Variants in ZNF143 observed in about 807,000 individuals in gnomAD.
ZNF143 encodes SPH-binding factor.
In ZNF143, 49 loss-of-function variants were observed where a neutral mutation model predicts 74.1. The observed-to-expected ratio is 0.66, with a 90% confidence interval of 0.53 to 0.84. The LOEUF (loss-of-function observed/expected upper bound fraction) is 0.84. ZNF143 is among the 40% of genes least tolerant of loss of function. The probability of loss-of-function intolerance (pLI) is 0.00; values close to 1 mark genes in which losing one functional copy is unlikely to be tolerated. For missense variants in ZNF143, 637 were observed against 793.4 expected, an observed-to-expected ratio of 0.80 and a Z score of 2.37; for synonymous variants, 304 against 282.8, an observed-to-expected ratio of 1.07 and a Z score of -0.75.
intron 5 of ZNF143, 94 bp from the exon 6 acceptor site, chr11:9,478,296 A>G: frequency 7.7e-7 from 1 of 1,303,920 alleles, no homozygotes. Flanking sequence ...CAGAGTAACT[A>G]CTCAATAAAA....
intron 11 of ZNF143, among the ~76,000 whole-genome samples, chr11:9,508,284 A>G (rs778523959): frequency 9.9e-5 from 15 of 152,222 alleles, no homozygotes; most frequent in Non-Finnish European, 1.6e-4. Flanking sequence ...TTAATAGACT[A>G]TAACAGTATC....
At chr11:9,507,415 A>T in intron 11 of ZNF143, among the ~76,000 whole-genome samples, 1 of 151,984 alleles carries the variant, frequency 6.6e-6, no homozygotes, top group African/African-American at 2.4e-5. Flanking sequence ...ATATTTACTC[A>T]TTTGCTCAGT....
intron 7 of ZNF143, among the ~76,000 whole-genome samples, chr11:9,483,357 G>GCGCGATCT (rs1565035591): frequency 7.7e-6 from 1 of 130,172 alleles, no homozygotes; most frequent in Non-Finnish European, 1.6e-5. Context: ...GAGTGCAGTG[G>GCGCGATCT]CGCGATCTCA....
intron 7 of ZNF143, among the ~76,000 whole-genome samples, chr11:9,480,746 G>T (rs983014452): frequency 1.3e-5 from 2 of 151,976 alleles, no homozygotes; most frequent in African/African-American, 4.8e-5. Flanking sequence ...AATTAGCCAG[G>T]TGTGGTGGCT....
intron 7 of ZNF143, among the ~76,000 whole-genome samples, chr11:9,484,799 G>GTTTTTTT (rs1316309780): frequency 2.1e-4 from 5 of 24,244 alleles, no homozygotes; most frequent in Admixed American, 4.2e-4. Flanking sequence ...CCTGGCCAAA[G>GTTTTTTT]ATTTTTTTTT....
intron 11 of ZNF143, among the ~76,000 whole-genome samples, chr11:9,507,870 TG>T (rs1158168237): frequency 1.3e-5 from 2 of 152,178 alleles, no homozygotes; most frequent in Admixed American, 1.3e-4. Flanking sequence ...AAGGGGGAAA[TG>T]GGTAGTAAAT....
At chr11:9,481,562 G>C (rs1196006807) in intron 7 of ZNF143, among the ~76,000 whole-genome samples, 1 of 152,044 alleles carries the variant, frequency 6.6e-6, no homozygotes, top group Non-Finnish European at 1.5e-5. Flanking sequence ...TAACTGACAA[G>C]TACATTTTAA....
At chr11:9,501,907 G>A (rs1171087859) in intron 11 of ZNF143, among the ~76,000 whole-genome samples, 3 of 148,962 alleles carry the variant, frequency 2.0e-5, no homozygotes, top group South Asian at 2.2e-4. Context: ...AGGGGGCGGG[G>A]TGGTCTATGG....
In ZNF143 at chr11:9,473,217, C is replaced by T. The variant is rs142436162; in HGVS notation, c.205+448C>T. 4.6e-3 allele frequency among the ~76,000 whole-genome samples: 694 copies of T among 151,896 alleles called. 5 individuals carry two copies. Among genetic ancestry groups the T allele is most frequent in the African/African-American group, 0.016 (654 of 41,462 alleles). ...ACCAGCCTGACCAACATGGAGAAAC[C>T]GTTTTCTGTAATAAAAATACAAAAT... On this transcript the variant is annotated intron_variant, in intron 3 of 15. Transcript: ENST00000396602.
At chr11:9,479,777 G>A (rs1459051485) in intron 7 of ZNF143, among the ~76,000 whole-genome samples, 1 of 152,194 alleles carries the variant, frequency 6.6e-6, no homozygotes, top group Non-Finnish European at 1.5e-5. Context: ...TCCAGGTGAA[G>A]CTTGTGTGCT....
At chr11:9,469,264 T>C (rs1369727720) in intron 1 of ZNF143, among the ~76,000 whole-genome samples, 1 of 142,380 alleles carries the variant, frequency 7.0e-6, no homozygotes, top group Non-Finnish European at 1.5e-5. Flanking sequence ...GGAGTTTCGC[T>C]CTTGTTGCCC....
intron 13 of ZNF143, among the ~76,000 whole-genome samples, chr11:9,512,969 T>A (rs1251579997): frequency 6.6e-6 from 1 of 152,102 alleles, no homozygotes; most frequent in Non-Finnish European, 1.5e-5. Flanking sequence ...GCTGAGGTGA[T>A]CAGCATATGA....
At chr11:9,496,433 C>T in intron 9 of ZNF143, 55 bp downstream of exon 9, 1 of 1,475,104 alleles carries the variant, frequency 6.8e-7, no homozygotes, top group Non-Finnish European at 9.5e-7. Flanking sequence ...CAAGTAGAGA[C>T]AGGCTAGTGG....
chr11:9,481,166 T>C (rs1847223197), intron 7 of ZNF143, among the ~76,000 whole-genome samples: 1 of 152,034 alleles, frequency 6.6e-6, no homozygotes, highest in African/African-American at 2.4e-5. Context: ...GGTGGGAAGA[T>C]TGCTTGAACC....
intron 13 of ZNF143, among the ~76,000 whole-genome samples, 191 bp downstream of exon 13, chr11:9,512,787 TAGA>T (rs1848596895): frequency 6.6e-6 from 1 of 152,172 alleles, no homozygotes. Flanking sequence ...TTTGTGACTG[TAGA>T]ATCCGAATGG....
chr11:9,480,663 A>G (rs1847198178), intron 7 of ZNF143, among the ~76,000 whole-genome samples: 1 of 152,112 alleles, frequency 6.6e-6, no homozygotes, highest in Non-Finnish European at 1.5e-5. Flanking sequence ...AGGCGGATGG[A>G]TGACTTGAGG....
intron 10 of ZNF143, among the ~76,000 whole-genome samples, chr11:9,499,367 G>A (rs938483110): frequency 1.3e-5 from 2 of 152,160 alleles, no homozygotes; most frequent in Non-Finnish European, 2.9e-5. Flanking sequence ...AGATCCAAGA[G>A]AAAAGACTTG....
chr11:9,465,660 T>G (rs960214783), intron 1 of ZNF143, among the ~76,000 whole-genome samples: 1 of 147,916 alleles, frequency 6.8e-6, no homozygotes, highest in Non-Finnish European at 1.5e-5. Context: ...CCACCACGCC[T>G]GGCTAATTTT....
chr11:9,489,950 G>A (rs368646473), intron 7 of ZNF143, among the ~76,000 whole-genome samples: 3 of 152,310 alleles, frequency 2.0e-5, no homozygotes, highest in African/African-American at 7.2e-5. Context: ...GGAGGCTGAG[G>A]CAGGAGGATT....
Sources: allele counts gnomAD v4.1 joint callset (sites outside exome capture counted in the v4.1 genomes callset), GRCh38; gene constraint gnomAD v4.1.1; transcripts MANE v1.5; gene names NCBI Gene and HGNC (gene_info 2026-07-23, HGNC 2026-07-21).